Variants in EFR3A observed in about 807,000 individuals in gnomAD.
EFR3A encodes protein EFR3 homolog A.
EFR3A carries 76 observed loss-of-function variants against 104.4 expected under a neutral mutation model. The observed-to-expected ratio is 0.73, with a 90% CI of 0.60 to 0.88. EFR3A has a LOEUF of 0.88. EFR3A is among the 40% of genes least tolerant of loss of function. The pLI is 0.00. For synonymous variants in EFR3A, 330 were observed against 330.0 expected, an observed-to-expected ratio of 1.00 and a Z score of 0.00; for missense variants, 985 against 1,012.5, an observed-to-expected ratio of 0.97 and a Z score of 0.37.
At chr8:131,926,495 A>G (rs1025043515) in intron 1 of EFR3A, among the ~76,000 whole-genome samples, 1 of 152,184 alleles carries the variant, frequency 6.6e-6, no homozygotes, top group African/African-American at 2.4e-5. Context: ...AAAATGACCT[A>G]TAATGGCATA....
chr8:131,961,514 A>G (rs1215985529), intron 8 of EFR3A, among the ~76,000 whole-genome samples: 1 of 152,190 alleles, frequency 6.6e-6, no homozygotes, highest in Non-Finnish European at 1.5e-5. Flanking sequence ...TTAGAGAAAA[A>G]AGAATAAAAA....
At chr8:131,989,251 T>G (rs1821042700) in intron 18 of EFR3A, among the ~76,000 whole-genome samples, 2 of 152,192 alleles carry the variant, frequency 1.3e-5, no homozygotes, top group Non-Finnish European at 2.9e-5. Context: ...TAATTAAATT[T>G]CCTTTTGCTG....
chr8:132,009,798 T>C (rs1336077890), intron 22 of EFR3A, among the ~76,000 whole-genome samples: 1 of 152,108 alleles, frequency 6.6e-6, no homozygotes, highest in Non-Finnish European at 1.5e-5. Flanking sequence ...GGGAAAGTTT[T>C]TCTTAGCATA....
rs750286163 is a variant in EFR3A at position 131,970,529 on chromosome 8, G to A, written c.1045G>A (p.Val349Ile). ...NTLLKHLRLS[V>I]EFEANDLQGG... ...CCTTTTGAAACATCTGCGTCTCAGC[G>A]TTGAATTCGAAGCAAATGATTTACA... The change falls in exon 10 of 23, where the codon GTT (valine) becomes ATT (isoleucine). Residue 349 changes from valine to isoleucine, a missense_variant. Coordinates refer to ENST00000254624, the MANE Select transcript of EFR3A (RefSeq NM_015137.6). 3.6e-5 allele frequency: 58 copies of A among 1,613,746 alleles called. No homozygotes were observed. The highest frequency in any genetic ancestry group is 3.6e-4 in the East Asian group (16 of 44,858).
chr8:131,983,786 A>G lies in EFR3A; in HGVS notation c.1576-353A>G, dbSNP rs959562881. ...TATCATTGCTGAGGCTGTATTGCCA[A>G]AGTGTCTCAGGATTCTGCCATCCAT... is the stretch of plus-strand genomic sequence containing the variant. On this transcript the variant is annotated intron_variant, in intron 14 of 22. Coordinates refer to ENST00000254624, the MANE Select transcript of EFR3A (RefSeq NM_015137.6). Among the ~76,000 whole-genome samples, 8 of 152,190 alleles carry G rather than the reference A, an allele frequency of 5.3e-5. No individual in the cohort carries two copies. The South Asian group carries it at 1.2e-3, about 24-fold the overall frequency.
chr8:131,976,025 A>G lies in EFR3A; in HGVS notation c.1160-2A>G. The G allele has an allele frequency of 6.4e-7, 1 of 1,567,096 alleles. No individual in the cohort carries two copies. The highest frequency in any genetic ancestry group is 8.7e-7 in the Non-Finnish European group (1 of 1,147,844). On this transcript the variant is annotated splice_acceptor_variant, in intron 10 of 22. Coordinates refer to ENST00000254624, the MANE Select transcript of EFR3A (RefSeq NM_015137.6). LOFTEE classifies it high-confidence loss of function. The stretch of plus-strand genomic sequence containing the variant: ...CTAAAATTTGTCTTAATACTTTCAT[A>G]GGATTTTTTGGAAGTAACCTACCAG...
At chr8:131,968,846 T>C (rs1819901930) in intron 9 of EFR3A, among the ~76,000 whole-genome samples, 1 of 152,148 alleles carries the variant, frequency 6.6e-6, no homozygotes, top group South Asian at 2.1e-4. Context: ...CAAGCAAAAT[T>C]TTATGTGGCC....
At chr8:131,956,057 T>C (rs111840704) in intron 7 of EFR3A, among the ~76,000 whole-genome samples, 152 bp downstream of exon 7, 4 of 152,218 alleles carry the variant, frequency 2.6e-5, no homozygotes, top group Non-Finnish European at 5.9e-5. Flanking sequence ...GACTGAGTCA[T>C]GCATGATGTG....
rs764647245 is a variant in EFR3A, at chr8:131,940,510, T to C, written c.22T>C (p.Cys8Arg). 1 of 1,603,416 alleles carries C rather than the reference T, an allele frequency of 6.2e-7. No individual in the cohort carries two copies. The highest frequency in any genetic ancestry group is 8.5e-7 in the Non-Finnish European group (1 of 1,175,158). MPTRVCCCCSALRPRYKR... is the reference protein window; with the variant it reads MPTRVCCRCSALRPRYKR... ...TTTTTTTTTAACAGGAGTATGCTGCTGCTGTTCCGCTTTGCGTCCTCGCTA... is the reference window on the plus strand; with the variant it reads ...TTTTTTTTTAACAGGAGTATGCTGCCGCTGTTCCGCTTTGCGTCCTCGCTA... The change falls in exon 2 of 23, where the codon TGC becomes CGC. Residue 8 changes from cysteine (C) to arginine (R), a missense_variant. Physicochemically the swap from Cys to Arg is radical, Grantham distance 180. Coordinates refer to ENST00000254624, the MANE Select transcript of EFR3A (RefSeq NM_015137.6).
chr8:131,939,537 CTT>C (rs1300505313), intron 1 of EFR3A, among the ~76,000 whole-genome samples: 11 of 152,208 alleles, frequency 7.2e-5, no homozygotes, highest in Non-Finnish European at 1.5e-5. Context: ...TATTAAGAAT[CTT>C]TCTTATTGAA....
intron 22 of EFR3A, among the ~76,000 whole-genome samples, chr8:132,006,612 A>G (rs1290524329): frequency 6.6e-6 from 1 of 152,100 alleles, no homozygotes; most frequent in Non-Finnish European, 1.5e-5. Flanking sequence ...GTAAGAAATA[A>G]TACCAGTTTC....
intron 22 of EFR3A, 62 bp from the exon 23 acceptor site, chr8:132,010,728 A>G (rs887851229): frequency 1.3e-6 from 2 of 1,563,288 alleles, no homozygotes; most frequent in African/African-American, 1.4e-5. Context: ...TAGATAGAAT[A>G]CTCGGTGAAA....
chr8:131,982,609 A>G (rs7813568), intron 14 of EFR3A, among the ~76,000 whole-genome samples: 6,313 of 152,242 alleles, frequency 0.041, 316 homozygotes, highest in East Asian at 0.12. Flanking sequence ...ACATATTACA[A>G]ATTTTTTATT....
Position 131,993,050 on chromosome 8 carries a change from G to A in EFR3A, c.2066-3356G>A, listed in dbSNP as rs1006269929. On this transcript the variant is annotated intron_variant, in intron 18 of 22. Transcript: ENST00000254624. ...ATTTTTAGTTGTCACAACTGGGACAGAGAGAGATGAGATAGGCCTATTGGC... is the reference window on the plus strand; with the variant it reads ...ATTTTTAGTTGTCACAACTGGGACAAAGAGAGATGAGATAGGCCTATTGGC... Among the ~76,000 whole-genome samples the A allele has an allele frequency of 1.6e-4, 24 of 152,276 alleles. 1 individual carries two copies. The highest frequency in any genetic ancestry group is 1.0e-3 in the South Asian group (5 of 4,822).
At position 131,955,925 on chromosome 8, in the gene EFR3A, C is replaced by A; in HGVS notation, c.776+20C>A. 6.2e-7 allele frequency: 1 copy of A among 1,610,226 alleles called. No homozygotes were observed. Among genetic ancestry groups the A allele is most frequent in the Non-Finnish European group, 8.5e-7 (1 of 1,177,724 alleles). The stretch of plus-strand genomic sequence containing the variant: ...TTTTGCGTAAGTAGTTGGTGTTTTC[C>A]TGGTTATTTGTGATTTTGCTGTATT... On this transcript the variant is annotated intron_variant, in intron 7 of 22. Coordinates refer to ENST00000254624, the MANE Select transcript of EFR3A (RefSeq NM_015137.6).
intron 1 of EFR3A, among the ~76,000 whole-genome samples, chr8:131,919,755 T>G (rs1379256998): frequency 6.6e-6 from 1 of 151,932 alleles, no homozygotes; most frequent in Non-Finnish European, 1.5e-5. Flanking sequence ...TTTTGGTTCA[T>G]TAGGACTCAA....
At chr8:131,964,481 A>T (rs1011466017) in intron 8 of EFR3A, among the ~76,000 whole-genome samples, 1 of 152,010 alleles carries the variant, frequency 6.6e-6, no homozygotes, top group Non-Finnish European at 1.5e-5. Flanking sequence ...AATTGCTTCA[A>T]AGAGAATAAA....
intron 8 of EFR3A, among the ~76,000 whole-genome samples, chr8:131,963,858 G>A (rs1414279302): frequency 1.3e-5 from 2 of 152,064 alleles, no homozygotes; most frequent in Non-Finnish European, 2.9e-5. Context: ...CAGCACATCA[G>A]AAAGCTTATC....
chr8:131,922,433 A>G (rs1817086901), intron 1 of EFR3A, among the ~76,000 whole-genome samples: 1 of 152,174 alleles, frequency 6.6e-6, no homozygotes, highest in African/African-American at 2.4e-5. Context: ...AGGGATACTC[A>G]ACTAGTATGT....
Sources: allele counts gnomAD v4.1 joint callset (sites outside exome capture counted in the v4.1 genomes callset), GRCh38; gene constraint gnomAD v4.1.1; transcripts MANE v1.5; gene names NCBI Gene and HGNC (gene_info 2026-07-23, HGNC 2026-07-21).